Variants in FRY observed in about 807,000 individuals in gnomAD.
FRY encodes the protein protein furry homolog.
A neutral mutation model predicts 348.4 loss-of-function variants in FRY; 128 were observed. The observed-to-expected ratio is 0.37, with a 90% confidence interval of 0.32 to 0.43. The LOEUF (loss-of-function observed/expected upper bound fraction) is 0.43, where lower values mean the gene tolerates loss of function less well. FRY is among the 20% of genes least tolerant of loss of function. FRY has a pLI of 1.00. For missense variants in FRY, 2,736 were observed against 3,695.2 expected (o/e 0.74, Z 6.73); for synonymous variants, 1,370 against 1,374.7 (o/e 1.00, Z 0.08).
At chr13:32,102,462 G>A (rs1877228733) in intron 3 of FRY, among the ~76,000 whole-genome samples, 1 of 152,160 alleles carries the variant, frequency 6.6e-6, no homozygotes, top group South Asian at 2.1e-4. Flanking sequence ...CTAGGTACTG[G>A]TGATACAAAA....
chr13:32,087,917 A>C (rs745483308), intron 2 of FRY, among the ~76,000 whole-genome samples: 1 of 152,228 alleles, frequency 6.6e-6, no homozygotes, highest in African/African-American at 2.4e-5. Flanking sequence ...GTAATTTACT[A>C]ATCATCTTCA....
intron 29 of FRY, among the ~76,000 whole-genome samples, 199 bp downstream of exon 29, chr13:32,194,496 A>T (rs1042047476): frequency 6.6e-6 from 1 of 152,206 alleles, no homozygotes. Flanking sequence ...TTATCAGGAA[A>T]TGATTTGTTG....
At chr13:32,089,939 T>C (rs1037610776) in intron 2 of FRY, among the ~76,000 whole-genome samples, 1 of 152,086 alleles carries the variant, frequency 6.6e-6, no homozygotes, top group African/African-American at 2.4e-5. Flanking sequence ...AGACTAATTT[T>C]AGTGGTGAAA....
chr13:32,273,811 G>A (rs777476171), intron 55 of FRY, among the ~76,000 whole-genome samples: 1 of 152,072 alleles, frequency 6.6e-6, no homozygotes, highest in Non-Finnish European at 1.5e-5. Flanking sequence ...TGACAAACAC[G>A]CAAGGAAAAC....
chr13:32,063,112 A>G (rs1593572592), intron 1 of FRY, among the ~76,000 whole-genome samples: 2 of 152,140 alleles, frequency 1.3e-5, no homozygotes, highest in East Asian at 3.8e-4. Context: ...GTAATCCCCA[A>G]GGGGACCCTG....
At chr13:32,195,857 G>A (rs1042103540) in intron 29 of FRY, among the ~76,000 whole-genome samples, 2 of 152,198 alleles carry the variant, frequency 1.3e-5, no homozygotes, top group African/African-American at 2.4e-5. Flanking sequence ...AGGAAGGGCA[G>A]AGGGCAGGAG....
intron 55 of FRY, among the ~76,000 whole-genome samples, chr13:32,269,002 C>A (rs1888082303): frequency 6.6e-6 from 1 of 152,122 alleles, no homozygotes; most frequent in Non-Finnish European, 1.5e-5. Flanking sequence ...AATGACCAGA[C>A]AGAACAGTTA....
intron 2 of FRY, among the ~76,000 whole-genome samples, chr13:32,101,339 A>AT (rs1379958865): frequency 6.6e-6 from 1 of 152,178 alleles, no homozygotes; most frequent in Non-Finnish European, 1.5e-5. Context: ...TTGTATATAT[A>AT]TGTAGCACAT....
At chr13:32,256,022 C>G (rs73444623) in intron 51 of FRY, among the ~76,000 whole-genome samples, 2,027 of 152,074 alleles carry the variant, frequency 0.013, 43 homozygotes, top group African/African-American at 0.045. Flanking sequence ...CGAAGTAATC[C>G]GACACAATTT....
chr13:32,229,369 A>G (rs761377656), intron 40 of FRY, among the ~76,000 whole-genome samples: 3 of 152,182 alleles, frequency 2.0e-5, no homozygotes, highest in Admixed American at 6.5e-5. Flanking sequence ...TACTCTGTGT[A>G]TGTGTTATCT....
At chr13:32,247,569 A>G in intron 48 of FRY, 67 bp downstream of exon 48, 1 of 1,210,840 alleles carries the variant, frequency 8.3e-7, no homozygotes, top group Non-Finnish European at 1.2e-6. Flanking sequence ...GATCAAAAGT[A>G]GTTGCCTGGA....
At chr13:32,067,698 T>G (rs1874350871) in intron 1 of FRY, among the ~76,000 whole-genome samples, 1 of 152,172 alleles carries the variant, frequency 6.6e-6, no homozygotes, top group African/African-American at 2.4e-5. Context: ...TAACCTAGCC[T>G]CTTTAAGAAT....
chr13:32,123,277 CTGA>C (rs1878795012), intron 4 of FRY, among the ~76,000 whole-genome samples: 1 of 152,200 alleles, frequency 6.6e-6, no homozygotes, highest in African/African-American at 2.4e-5. Flanking sequence ...ATCACACTAC[CTGA>C]TTTCAAATTA....
intron 2 of FRY, among the ~76,000 whole-genome samples, chr13:32,098,924 A>G (rs543691846): frequency 6.6e-6 from 1 of 152,176 alleles, no homozygotes; most frequent in South Asian, 2.1e-4. Context: ...CAATGGAGAC[A>G]GAGTAGTTGA....
chr13:32,235,113 C>A (rs755392735), intron 42 of FRY, among the ~76,000 whole-genome samples: 2 of 152,172 alleles, frequency 1.3e-5, no homozygotes, highest in Non-Finnish European at 2.9e-5. Context: ...GTTATACAGT[C>A]TCCCTACCCA....
chr13:32,126,090 T>G (rs1165572792), intron 7 of FRY, among the ~76,000 whole-genome samples: 1 of 152,224 alleles, frequency 6.6e-6, no homozygotes, highest in Non-Finnish European at 1.5e-5. Flanking sequence ...CCATTGCAAT[T>G]GAGTAATGAA....
chr13:32,047,332 TTG>T (rs1227894882), intron 1 of FRY, among the ~76,000 whole-genome samples: 1 of 152,224 alleles, frequency 6.6e-6, no homozygotes, highest in Non-Finnish European at 1.5e-5. Context: ...TGGAGCTTTT[TTG>T]TGACATCTTC....
rs952406898 is a variant in FRY at position 32,209,662 on chromosome 13, C to T, written c.4353C>T (p.Asn1451=). 8.1e-6 allele frequency: 13 copies of T among 1,613,946 alleles called. No individual in the cohort carries two copies. The highest frequency in any genetic ancestry group is 1.1e-5 in the Non-Finnish European group (13 of 1,179,934). ...CCAACAATGAGAAATGGAGCAACAA[C>T]CTGAGGATCACCTTGCAGTTCCTGA... ...ALANNEKWSN[N]LRITLQFLIS... Residue 1451 remains asparagine, a synonymous_variant, in exon 33 of 61, where the codon AAC becomes AAT. Coordinates refer to ENST00000542859, the MANE Select transcript of FRY (RefSeq NM_023037.3).
chr13:32,244,008 T>C (rs1220176716), intron 46 of FRY, 34 bp from the exon 47 acceptor site: 1 of 1,611,718 alleles, frequency 6.2e-7, no homozygotes, highest in Admixed American at 1.7e-5. Context: ...AGATCTGGTG[T>C]GTGACTGACT....
Sources: gnomAD v4.1 joint callset for allele counts (sites outside exome capture counted in the v4.1 genomes callset) on GRCh38, gnomAD v4.1.1 for gene constraint, MANE v1.5 for transcripts, NCBI Gene and HGNC (gene_info 2026-07-23, HGNC 2026-07-21) for gene names.